The following TNC variants were observed in gnomAD, a reference collection of about 807,000 sequenced individuals.
TNC encodes tenascin.
A neutral mutation model predicts 202.4 loss-of-function variants in TNC; 109 were observed. The ratio of observed to expected loss-of-function variants is 0.54; its 90% CI spans 0.46 to 0.63. TNC has a LOEUF of 0.63. Among genes scored for constraint, TNC ranks in the 30% least tolerant of loss-of-function variants. The probability of loss-of-function intolerance (pLI) is 0.00; values close to 1 mark genes in which losing one functional copy is unlikely to be tolerated. For synonymous variants in TNC, 1,007 were observed against 1,089.7 expected (o/e 0.92, Z 1.50); for missense variants, 2,756 against 2,833.3 (o/e 0.97, Z 0.62).
In TNC at chr9:115,046,575, T is replaced by A; in HGVS notation, c.4960A>T (p.Ile1654Phe). The A allele has an allele frequency of 6.2e-7, 1 of 1,614,146 alleles. No homozygotes were observed. Among genetic ancestry groups the A allele is most frequent in the Middle Eastern group, 1.7e-4 (1 of 6,052 alleles). The change falls in exon 17 of 28, where the codon ATC becomes TTC. Residue 1654 changes from isoleucine to phenylalanine, a missense_variant. Ile to Phe is a conservative substitution (Grantham distance 21). Transcript: ENST00000350763. ...TCAGACTGCTTTTTGGTATCTCTGA[T>A]TTTGAGAACAAAATTGTCGAAGACC... The part of the protein sequence containing the change: ...EGVFDNFVLK[I>F]RDTKKQSEPL...
intron 17 of TNC, 109 bp downstream of exon 17, chr9:115,046,301 C>G: frequency 7.7e-7 from 1 of 1,293,444 alleles, no homozygotes; most frequent in Non-Finnish European, 1.1e-6. Context: ...GAGTCAGGAT[C>G]AGAGCGCCAG....
chr9:115,023,580 G>A (rs1247651273), intron 27 of TNC, among the ~76,000 whole-genome samples: 1 of 152,164 alleles, frequency 6.6e-6, no homozygotes, highest in East Asian at 1.9e-4. Flanking sequence ...TAAAGTCTGT[G>A]GACTTCATTT....
chr9:115,089,308 A>G (rs1835028445), intron 2 of TNC, among the ~76,000 whole-genome samples: 1 of 152,224 alleles, frequency 6.6e-6, no homozygotes, highest in East Asian at 1.9e-4. Context: ...ACAGATTTTC[A>G]GCTCTGATTT....
intron 1 of TNC, among the ~76,000 whole-genome samples, chr9:115,096,120 A>T (rs1835769633): frequency 6.6e-6 from 1 of 152,208 alleles, no homozygotes; most frequent in Non-Finnish European, 1.5e-5. Context: ...CCTGTGACTT[A>T]TGAAATTGTT....
intron 9 of TNC, among the ~76,000 whole-genome samples, chr9:115,074,843 T>A (rs1488575063): frequency 1.3e-5 from 2 of 152,146 alleles, no homozygotes; most frequent in African/African-American, 2.4e-5. Context: ...TGGTGAAATA[T>A]AAATAGAGTG....
chr9:115,105,882 G>A (rs1366416180), intron 1 of TNC, among the ~76,000 whole-genome samples: 1 of 152,144 alleles, frequency 6.6e-6, no homozygotes, highest in Non-Finnish European at 1.5e-5. Flanking sequence ...ATAGGTTCAT[G>A]CTCGTTGGAA....
intron 20 of TNC, among the ~76,000 whole-genome samples, chr9:115,037,644 C>T (rs1441625929): frequency 2.0e-5 from 3 of 152,190 alleles, no homozygotes; most frequent in Non-Finnish European, 2.9e-5. Flanking sequence ...TCTCCTGCCT[C>T]AGCCTGCCGA....
Position 115,021,093 on chromosome 9 carries a change from G to T in TNC, c.*64C>A. The T allele has an allele frequency of 7.3e-7, 1 of 1,366,682 alleles. No homozygotes were observed. Among genetic ancestry groups the T allele is most frequent in the Non-Finnish European group, 1.0e-6 (1 of 962,726 alleles). 84.7% of individuals were successfully genotyped at this position (1,366,682 alleles called of 1,614,324 possible). On this transcript the variant is annotated 3_prime_UTR_variant, in exon 28 of 28. Transcript: ENST00000350763. ...CGATGGTTGGGCTGGTTGTATTGATGCTTTGGTAAAATCCTTTCCTCGCTC... is the reference window on the plus strand; with the variant it reads ...CGATGGTTGGGCTGGTTGTATTGATTCTTTGGTAAAATCCTTTCCTCGCTC...
In TNC at chr9:115,045,995, G is replaced by T. The variant is rs368300967; in HGVS notation, c.5125+415C>A. Among the ~76,000 whole-genome samples, 43 of 151,854 alleles carry T rather than the reference G, an allele frequency of 2.8e-4. 1 individual carries two copies. In the South Asian group the frequency reaches 7.3e-3, roughly 26 times the overall value. On this transcript the variant is annotated intron_variant, in intron 17 of 27. Transcript: ENST00000350763. ...CCAAAGAACAAGGAAGTGTATCTCT[G>T]GATAAAATGATGAGATATGATATGA...
At chr9:115,076,229 G>C in intron 8 of TNC, 108 bp from the exon 9 acceptor site, 2 of 1,427,512 alleles carry the variant, frequency 1.4e-6, no homozygotes, top group Non-Finnish European at 2.0e-6. Context: ...CAAATTTTCG[G>C]AATGTTTTAC....
At chr9:115,028,154 A>G (rs578102434) in intron 25 of TNC, among the ~76,000 whole-genome samples, 3 of 152,322 alleles carry the variant, frequency 2.0e-5, no homozygotes, top group Admixed American at 6.5e-5. Flanking sequence ...CATGTTCTAC[A>G]TGGCTAATAG....
chr9:115,053,831 T>C (rs1831891886), intron 15 of TNC, among the ~76,000 whole-genome samples: 1 of 152,116 alleles, frequency 6.6e-6, no homozygotes, highest in Non-Finnish European at 1.5e-5. Flanking sequence ...AATGCAAAGG[T>C]GAAAGAAAAA....
intron 10 of TNC, among the ~76,000 whole-genome samples, chr9:115,068,625 C>A (rs1259638577): frequency 5.3e-5 from 8 of 152,212 alleles, no homozygotes; most frequent in Non-Finnish European, 1.2e-4. Flanking sequence ...CTGCCAAGAA[C>A]CAAGCCCCTT....
intron 15 of TNC, among the ~76,000 whole-genome samples, chr9:115,053,818 G>A (rs1192098377): frequency 3.9e-5 from 6 of 152,290 alleles, no homozygotes; most frequent in Non-Finnish European, 7.3e-5. Flanking sequence ...AAAATTCCCA[G>A]TGAATGCAAA....
intron 17 of TNC, among the ~76,000 whole-genome samples, chr9:115,042,711 T>C (rs1830856902): frequency 6.6e-6 from 1 of 152,204 alleles, no homozygotes; most frequent in Non-Finnish European, 1.5e-5. Flanking sequence ...TATTAAATAA[T>C]ACTAAGACTT....
chr9:115,089,622 T>A (rs1303877242), intron 2 of TNC, among the ~76,000 whole-genome samples: 3 of 152,124 alleles, frequency 2.0e-5, no homozygotes, highest in Non-Finnish European at 4.4e-5. Context: ...TGCCTCAGCC[T>A]CCTGAGTAGC....
chr9:115,095,480 GTATATATATA>G (rs764913890), intron 1 of TNC, among the ~76,000 whole-genome samples: 14 of 43,652 alleles, frequency 3.2e-4, no homozygotes, highest in South Asian at 8.8e-4. Context: ...GTATATATAT[GTATATATATA>G]TGTATATATA....
rs778105445 is a variant in TNC, at chr9:115,035,329, C to T, written c.5662G>A (p.Asp1888Asn). 30 of 1,610,444 alleles carry T rather than the reference C, an allele frequency of 1.9e-5. No homozygotes were observed. The highest frequency in any genetic ancestry group is 8.8e-5 in the South Asian group (8 of 90,482). The change falls in exon 22 of 28, where the codon GAT (aspartate) becomes AAT (asparagine). Residue 1888 changes from aspartate to asparagine, a missense_variant. Around this residue, in one of 2 missense-constraint regions of TNC, gnomAD observed 2,559 missense variants for 2,546.0 expected, o/e 1.01. Transcript: ENST00000350763. ...GTAGCAGTCAAGTCTCTTGGAGAATCGAGGTCTGGAGAAGACAGGATGATT... is the reference window on the plus strand; with the variant it reads ...GTAGCAGTCAAGTCTCTTGGAGAATTGAGGTCTGGAGAAGACAGGATGATT... The part of the protein sequence containing the change: ...TITAKFTTDL[D>N]SPRDLTATEV...
At chr9:115,038,633 C>T (rs1325244289) in intron 19 of TNC, among the ~76,000 whole-genome samples, 1 of 152,182 alleles carries the variant, frequency 6.6e-6, no homozygotes. Context: ...CTGGTTTCAT[C>T]TTCAGTGTTA....
Sources: allele counts gnomAD v4.1 joint callset (sites outside exome capture counted in the v4.1 genomes callset), GRCh38; gene constraint gnomAD v4.1.1; regional missense constraint gnomAD v4.1.1; transcripts MANE v1.5; gene names NCBI Gene and HGNC (gene_info 2026-07-23, HGNC 2026-07-21).